The following TRA2B variants were observed in gnomAD, a reference collection of about 807,000 sequenced individuals.
The protein encoded by TRA2B is transformer 2 beta homolog, also known as transformer-2 protein homolog beta.
A neutral mutation model predicts 41.7 loss-of-function variants in TRA2B; 14 were observed. That is an observed-to-expected ratio of 0.34 (90% CI 0.22 to 0.53). The LOEUF is 0.53. Among genes scored for constraint, TRA2B ranks in the 20% least tolerant of loss-of-function variants. The pLI is 0.95. For synonymous variants in TRA2B, 130 were observed against 128.8 expected, an observed-to-expected ratio of 1.01 and a Z score of -0.06; for missense variants, 167 against 396.8, an observed-to-expected ratio of 0.42 and a Z score of 4.92.
At position 185,935,563 on chromosome 3, in the gene TRA2B, GATAA is replaced by G. The variant is rs1470177831; in HGVS notation, c.36+2258_36+2261del. ...GGTGGGGTTGTCTGGATTAGAGACA[GATAA>G]ATAAGGGAGAATTCCACTGATTTGA... On this transcript the variant is annotated intron_variant, in intron 1 of 8. Transcript: ENST00000453386. 7 of 985,308 alleles carry G rather than the reference GATAA, an allele frequency of 7.1e-6. No individual in the cohort carries two copies. The South Asian group carries it at 2.3e-4, about 33-fold the overall frequency. 61.0% of individuals were successfully genotyped at this position (985,308 alleles called of 1,614,324 possible).
chr3:185,917,627 T>G lies in TRA2B; in HGVS notation c.*88A>C, dbSNP rs1333119332. On this transcript the variant is annotated 3_prime_UTR_variant, in exon 9 of 9. Coordinates refer to ENST00000453386, the MANE Select transcript of TRA2B (RefSeq NM_004593.3). ...AAAGTCACCTAACTTCACTAGGCAC[T>G]GTTCACTTTTTAAACAAGAGACAAT... The G allele has an allele frequency of 1.7e-5, 24 of 1,453,866 alleles. No homozygotes were observed. The highest frequency in any genetic ancestry group is 2.0e-5 in the Non-Finnish European group (21 of 1,043,170). 90.1% of individuals were successfully genotyped at this position (1,453,866 alleles called of 1,614,324 possible). A position where few individuals can be genotyped will look rare whatever the true frequency, so the allele number is the denominator to read the frequency against.
In TRA2B at chr3:185,914,960, T is replaced by C. The variant is rs1394633862; in HGVS notation, c.*2755A>G. 6.6e-6 allele frequency among the ~76,000 whole-genome samples: 1 copy of C among 152,202 alleles called. No homozygotes were observed. Among genetic ancestry groups the C allele is most frequent in the African/African-American group, 2.4e-5 (1 of 41,456 alleles). On this transcript the variant is annotated 3_prime_UTR_variant, in exon 9 of 9. Coordinates refer to ENST00000453386, the MANE Select transcript of TRA2B (RefSeq NM_004593.3). ...GAGCTATTAGTTTTATCTTAAGGCA[T>C]ATATTCCTTATGTAGGGGCAACAAT... is the stretch of plus-strand genomic sequence containing the variant.
intron 1 of TRA2B, among the ~76,000 whole-genome samples, chr3:185,933,232 T>C (rs1293661141): frequency 6.6e-6 from 1 of 152,196 alleles, no homozygotes; most frequent in Admixed American, 6.5e-5. Flanking sequence ...CTATCACAAC[T>C]GTTTTCAATG....
At chr3:185,937,489 G>C (rs542556633) in intron 1 of TRA2B, 8 of 1,076,822 alleles carry the variant, frequency 7.4e-6, no homozygotes, top group Non-Finnish European at 9.1e-6. Context: ...GACCTTCGCA[G>C]GAGAGCAACG....
chr3:185,933,555 A>G (rs1363949427), intron 1 of TRA2B, among the ~76,000 whole-genome samples: 1 of 152,152 alleles, frequency 6.6e-6, no homozygotes, highest in African/African-American at 2.4e-5. Flanking sequence ...TTGACTGACA[A>G]GGCAATATTT....
chr3:185,923,306 T>A (rs904141968), intron 4 of TRA2B: 1 of 152,380 alleles, frequency 6.6e-6, no homozygotes, highest in African/African-American at 2.4e-5. Context: ...TTCTTCCTCT[T>A]CTCTATACTT....
At chr3:185,926,784 A>T in intron 1 of TRA2B, 50 bp from the exon 2 acceptor site, 1 of 1,601,706 alleles carries the variant, frequency 6.2e-7, no homozygotes, top group Non-Finnish European at 8.5e-7. Flanking sequence ...GGGCAACTTT[A>T]AAAACAAATA....
At chr3:185,930,439 A>G (rs1161702581) in intron 1 of TRA2B, among the ~76,000 whole-genome samples, 1 of 152,104 alleles carries the variant, frequency 6.6e-6, no homozygotes, top group Admixed American at 6.5e-5. Flanking sequence ...ACAGGCCTGA[A>G]AGCATCAGAA....
rs760907793 is a variant in TRA2B, at chr3:185,937,788, G to A, written c.36+37C>T. 14 of 1,612,002 alleles carry A rather than the reference G, an allele frequency of 8.7e-6. No homozygotes were observed. The South Asian group carries it at 1.1e-4, about 13-fold the overall frequency. On this transcript the variant is annotated intron_variant, in intron 1 of 8. Transcript: ENST00000453386. ...GCCTAGAAAAAGATGCAAGGAGCTA[G>A]GACCACACAGCCACCCCCTACCGCA...
intron 1 of TRA2B, chr3:185,928,625 G>A (rs1744041356): frequency 6.6e-6 from 1 of 152,170 alleles, no homozygotes; most frequent in Non-Finnish European, 1.5e-5. Flanking sequence ...ATTAACATAG[G>A]TGAGAATATA....
intron 8 of TRA2B, among the ~76,000 whole-genome samples, chr3:185,918,018 A>G (rs1743568855): frequency 6.6e-6 from 1 of 152,006 alleles, no homozygotes; most frequent in African/African-American, 2.4e-5. Flanking sequence ...AAGCTACTAA[A>G]TGGTGGAAAT....
chr3:185,923,826 T>C lies in TRA2B; in HGVS notation c.492A>G (p.Val164=), dbSNP rs776404506. Reference sequence around the variant, plus strand: ...TGGCATCATCTACATTTTCAAAATATACAAAGGCAAATCCTCTTGAACGCC... The same window carrying C: ...TGGCATCATCTACATTTTCAAAATACACAAAGGCAAATCCTCTTGAACGCC... ...QSRRSRGFAF[V]YFENVDDAKE... is the part of the protein sequence containing the mutation. The change falls in exon 4 of 9, where the codon GTA becomes GTG. Residue 164 remains valine, a synonymous_variant. Transcript: ENST00000453386. 44 of 1,610,840 alleles carry C rather than the reference T, an allele frequency of 2.7e-5. No homozygotes were observed. The highest frequency in any genetic ancestry group is 3.7e-5 in the Non-Finnish European group (44 of 1,179,234).
intron 1 of TRA2B, chr3:185,936,396 C>A (rs1207658435): frequency 1.0e-6 from 1 of 985,198 alleles, no homozygotes; most frequent in East Asian, 1.1e-4. Flanking sequence ...TGGAGTCAAT[C>A]GGCTTCGGGA....
Position 185,915,704 on chromosome 3 carries a change from C to A in TRA2B, c.*2011G>T, listed in dbSNP as rs1372482853. 6.6e-6 allele frequency among the ~76,000 whole-genome samples: 1 copy of A among 152,170 alleles called. No homozygotes were observed. The highest frequency in any genetic ancestry group is 1.5e-5 in the Non-Finnish European group (1 of 68,036). On this transcript the variant is annotated 3_prime_UTR_variant, in exon 9 of 9. Transcript: ENST00000453386. ...TAGCCTAAAAAAGGAAACTTTCAAT[C>A]AGCAGGATAAAGGATGGCTACACAA... is the stretch of plus-strand genomic sequence containing the variant.
At position 185,915,100 on chromosome 3, in the gene TRA2B, C is replaced by G. The variant is rs935296605; in HGVS notation, c.*2615G>C. Among the ~76,000 whole-genome samples, 10 of 152,192 alleles carry G rather than the reference C, an allele frequency of 6.6e-5. No individual in the cohort carries two copies. Among genetic ancestry groups the G allele is most frequent in the Admixed American group, 6.5e-4 (10 of 15,276 alleles). ...ACAATAGGATTCCTGCTATGAAAAT[C>G]TGCTGTTGCTGATCTGACAGGCGGC... On this transcript the variant is annotated 3_prime_UTR_variant, in exon 9 of 9. Coordinates refer to ENST00000453386, the MANE Select transcript of TRA2B (RefSeq NM_004593.3).
intron 1 of TRA2B, chr3:185,935,392 C>T (rs888120860): frequency 4.1e-6 from 4 of 985,238 alleles, no homozygotes; most frequent in African/African-American, 3.5e-5. Flanking sequence ...GAGGGACACA[C>T]CAGTTCTTTA....
chr3:185,925,375 G>A (rs573310413), intron 3 of TRA2B, 89 bp downstream of exon 3: 229 of 1,478,890 alleles, frequency 1.5e-4, no homozygotes, highest in Non-Finnish European at 2.0e-4. Context: ...CGCACCAACT[G>A]CTAAAGCTCT....
chr3:185,934,354 A>C (rs758495486), intron 1 of TRA2B: 1 of 985,414 alleles, frequency 1.0e-6, no homozygotes, highest in Middle Eastern at 5.2e-4. Flanking sequence ...AACGCTATGT[A>C]AGGCAAATCC....
At chr3:185,937,011 A>G (rs1451773926) in intron 1 of TRA2B, 3 of 985,432 alleles carry the variant, frequency 3.0e-6, no homozygotes, top group Non-Finnish European at 2.4e-6. Flanking sequence ...GGCGCCGTAA[A>G]TGGTTGCCCG....
Sources: allele counts gnomAD v4.1 joint callset (sites outside exome capture counted in the v4.1 genomes callset), GRCh38; gene constraint gnomAD v4.1.1; transcripts MANE v1.5; gene names NCBI Gene and HGNC (gene_info 2026-07-23, HGNC 2026-07-21).